The following COL22A1 variants were observed in gnomAD, a reference collection of about 807,000 sequenced individuals.
COL22A1 encodes the protein collagen type XXII alpha 1 chain, also known as collagen alpha-1(XXII) chain.
COL22A1 carries 221 observed loss-of-function variants against 248.9 expected under a neutral mutation model. That is an observed-to-expected ratio of 0.89 (90% CI 0.80 to 0.99). COL22A1 has a LOEUF of 0.99. Ranked by LOEUF, COL22A1 falls within the 50% of genes least tolerant of loss-of-function variation. The pLI is 0.00. For missense variants in COL22A1, 2,240 were observed against 2,179.0 expected, an observed-to-expected ratio of 1.03 and a Z score of -0.56; for synonymous variants, 891 against 793.4, an observed-to-expected ratio of 1.12 and a Z score of -2.07.
chr8:138,794,342 G>A (rs905917896), intron 12 of COL22A1, among the ~76,000 whole-genome samples: 5 of 151,418 alleles, frequency 3.3e-5, no homozygotes, highest in South Asian at 2.1e-4. Flanking sequence ...AACCAAGATC[G>A]TGCCATTGCA....
rs996838381 is a variant in COL22A1, at chr8:138,879,269, A to G, written c.92-953T>C. On this transcript the variant is annotated intron_variant, in intron 2 of 64. Coordinates refer to ENST00000303045, the MANE Select transcript of COL22A1 (RefSeq NM_152888.3). ...CAAAGAGTCCTCTGCACAGATGAAC[A>G]TAATTGATTTAGCAAGCGCTCTCCT... Among the ~76,000 whole-genome samples the G allele has an allele frequency of 2.0e-5, 3 of 152,176 alleles. No individual in the cohort carries two copies. In the South Asian group the frequency reaches 6.2e-4, roughly 32 times the overall value.
intron 16 of COL22A1, among the ~76,000 whole-genome samples, 184 bp from the exon 17 acceptor site, chr8:138,762,650 T>C (rs1342616586): frequency 6.6e-6 from 1 of 151,700 alleles, no homozygotes; most frequent in African/African-American, 2.4e-5. Flanking sequence ...ACAAGGAACA[T>C]AGGTCTAGGG....
In COL22A1 at chr8:138,619,457, G is replaced by A. The variant is rs779375774; in HGVS notation, c.3823C>T (p.Pro1275Ser). 5.6e-6 allele frequency: 9 copies of A among 1,613,992 alleles called. No homozygotes were observed. In the Admixed American group the frequency reaches 1.3e-4, roughly 24 times the overall value. Residue 1275 changes from proline to serine, a missense_variant and splice_region_variant, in exon 53 of 65, where the codon CCT becomes TCT. Pro to Ser is a moderately conservative substitution (Grantham distance 74). Coordinates refer to ENST00000303045, the MANE Select transcript of COL22A1 (RefSeq NM_152888.3). ...LPGPEGARGPPGFKGHTGDSG... is the reference protein window; with the variant it reads ...LPGPEGARGPSGFKGHTGDSG... ...CCCCACACACACTACACACTTACAG[G>A]TGGGCCTCGGGCACCCTCTGGTCCT...
intron 4 of COL22A1, among the ~76,000 whole-genome samples, chr8:138,843,602 T>C (rs1821036987): frequency 6.6e-6 from 1 of 152,222 alleles, no homozygotes; most frequent in African/African-American, 2.4e-5. Flanking sequence ...TTCTATTCTG[T>C]CATATGCCTG....
chr8:138,746,803 C>T (rs573473495), intron 22 of COL22A1, among the ~76,000 whole-genome samples: 6 of 152,204 alleles, frequency 3.9e-5, no homozygotes, highest in Non-Finnish European at 5.9e-5. Flanking sequence ...GCATCCGACC[C>T]GAACCAGGAT....
At chr8:138,599,587 C>G (rs763745479) in intron 60 of COL22A1, among the ~76,000 whole-genome samples, 1 of 152,070 alleles carries the variant, frequency 6.6e-6, no homozygotes, top group Non-Finnish European at 1.5e-5. Flanking sequence ...TAGCCAGGTA[C>G]AGTGGCAATT....
chr8:138,854,816 G>T lies in COL22A1; in HGVS notation c.659-10658C>A, dbSNP rs576228661. Among the ~76,000 whole-genome samples, 138 of 152,210 alleles carry T rather than the reference G, an allele frequency of 9.1e-4. 2 individuals carry two copies. The highest frequency in any genetic ancestry group is 3.1e-3 in the African/African-American group (129 of 41,532). On this transcript the variant is annotated intron_variant, in intron 3 of 64. Coordinates refer to ENST00000303045, the MANE Select transcript of COL22A1 (RefSeq NM_152888.3). ...TGATGGTGGTGATGGTGATGATGAT[G>T]GTGATGATGGTGACGATGATGGTGA...
chr8:138,910,147 C>A (rs1453848386), intron 1 of COL22A1, among the ~76,000 whole-genome samples: 1 of 152,192 alleles, frequency 6.6e-6, no homozygotes, highest in Non-Finnish European at 1.5e-5. Context: ...TCATATGATT[C>A]ATTCATTCAA....
chr8:138,592,233 T>A (rs1587616421), intron 63 of COL22A1, among the ~76,000 whole-genome samples: 1 of 152,224 alleles, frequency 6.6e-6, no homozygotes, highest in South Asian at 2.1e-4. Context: ...GGGAGGACAC[T>A]TGAGATCATA....
chr8:138,820,066 A>C (rs1047696003), intron 7 of COL22A1, among the ~76,000 whole-genome samples: 1 of 151,798 alleles, frequency 6.6e-6, no homozygotes, highest in Non-Finnish European at 1.5e-5. Flanking sequence ...GTATGAATGA[A>C]TATATAACAA....
At chr8:138,599,038 G>C (rs1337564692) in intron 60 of COL22A1, 140 bp from the exon 61 acceptor site, 1 of 777,044 alleles carries the variant, frequency 1.3e-6, no homozygotes, top group African/African-American at 1.8e-5. Context: ...TGTGTGGCTT[G>C]GGGTGAGAAG....
At chr8:138,637,504 A>G (rs1032384824) in intron 47 of COL22A1, among the ~76,000 whole-genome samples, 1 of 152,212 alleles carries the variant, frequency 6.6e-6, no homozygotes, top group African/African-American at 2.4e-5. Flanking sequence ...ACCCTGTGAA[A>G]ATGTTAGAGA....
chr8:138,806,573 C>A (rs75779965), intron 10 of COL22A1, among the ~76,000 whole-genome samples: 1 of 152,086 alleles, frequency 6.6e-6, no homozygotes, highest in Non-Finnish European at 1.5e-5. Flanking sequence ...ATCGCTCAGG[C>A]GAGTCATTTC....
At position 138,646,656 on chromosome 8, in the gene COL22A1, T is replaced by C; in HGVS notation, c.3474A>G (p.Pro1158=). ...GTGGTCCAGCTATTCCTGGGGGCCC[T>C]GGTAGGCCTGGAGGCCCAGCCTCTC... ...KKGEAGPPGL[P]GPPGIAGPQG... Residue 1158 remains proline (P), a synonymous_variant, in exon 47 of 65, where the codon CCA becomes CCG. Transcript: ENST00000303045. 6.3e-7 allele frequency: 1 copy of C among 1,579,420 alleles called. No individual in the cohort carries two copies. Among genetic ancestry groups the C allele is most frequent in the Admixed American group, 1.8e-5 (1 of 55,886 alleles).
Position 138,913,759 on chromosome 8 carries a change from C to CA in COL22A1, c.-214dup, listed in dbSNP as rs1307516885. 3.3e-5 allele frequency: 5 copies of CA among 152,598 alleles called. No homozygotes were observed. The East Asian group carries it at 9.6e-4, about 29-fold the overall frequency. 9.5% of individuals were successfully genotyped at this position (152,598 alleles called of 1,614,324 possible). Reference sequence around the variant, plus strand: ...TGTCAGCCACTCGCCCACTCTCCCCCAAATAATCTCACAAACTCAGACTCT... The same window carrying CA: ...TGTCAGCCACTCGCCCACTCTCCCCCAAAATAATCTCACAAACTCAGACTCT... On this transcript the variant is annotated 5_prime_UTR_variant, in exon 1 of 65. Transcript: ENST00000303045.
chr8:138,863,723 G>C (rs73351938), intron 3 of COL22A1, among the ~76,000 whole-genome samples: 16,806 of 152,054 alleles, frequency 0.11, 1,520 homozygotes, highest in African/African-American at 0.26. Context: ...GCCTTCTCTG[G>C]GCTCTGGTTA....
intron 30 of COL22A1, among the ~76,000 whole-genome samples, chr8:138,705,166 T>C (rs1828316745): frequency 6.6e-6 from 1 of 152,176 alleles, no homozygotes; most frequent in African/African-American, 2.4e-5. Flanking sequence ...TTGGTGTACC[T>C]GAAAGTGACG....
At chr8:138,684,155 T>C (rs1000862814) in intron 39 of COL22A1, among the ~76,000 whole-genome samples, 1 of 151,836 alleles carries the variant, frequency 6.6e-6, no homozygotes, top group Non-Finnish European at 1.5e-5. Flanking sequence ...TCCCAGCTAC[T>C]CTGGAGGCTG....
chr8:138,808,301 T>C (rs1817900369), intron 9 of COL22A1, among the ~76,000 whole-genome samples: 1 of 152,240 alleles, frequency 6.6e-6, no homozygotes, highest in Admixed American at 6.5e-5. Context: ...ACATGTATTA[T>C]GACATCACTT....
Sources: gnomAD v4.1 joint callset for allele counts (sites outside exome capture counted in the v4.1 genomes callset) on GRCh38, gnomAD v4.1.1 for gene constraint, MANE v1.5 for transcripts, NCBI Gene and HGNC (gene_info 2026-07-23, HGNC 2026-07-21) for gene names.